Variants in AJAP1 observed in about 807,000 individuals in gnomAD.
AJAP1 encodes the protein adherens junction-associated protein 1.
A neutral mutation model predicts 35.0 loss-of-function variants in AJAP1; 5 were observed. The ratio of observed to expected loss-of-function variants is 0.14; its 90% CI spans 0.07 to 0.30. The LOEUF (loss-of-function observed/expected upper bound fraction) is 0.30. Ranked by LOEUF, AJAP1 falls within the 10% of genes least tolerant of loss-of-function variation. The pLI is 1.00. For missense variants in AJAP1, 586 were observed against 571.0 expected (o/e 1.03, Z -0.27); for synonymous variants, 284 against 249.3 (o/e 1.14, Z -1.31).
chr1:4,718,245 C>T (rs944998493), intron 2 of AJAP1, among the ~76,000 whole-genome samples: 1 of 152,052 alleles, frequency 6.6e-6, no homozygotes, highest in Non-Finnish European at 1.5e-5. Context: ...GTGTTCATAC[C>T]AAATGGATAA....
Position 4,679,812 on chromosome 1 carries a change from TGTGTGTGTGTG to T in AJAP1, c.29+24359_29+24369del, listed in dbSNP as rs1639440433. Among the ~76,000 whole-genome samples the T allele has an allele frequency of 4.5e-5, 3 of 66,722 alleles. No individual in the cohort carries two copies. In the South Asian group the frequency reaches 2.1e-3, roughly 46 times the overall value. The allele number at this position is 66,722 out of a possible 152,430, so 43.8% of individuals were successfully genotyped here. On this transcript the variant is annotated intron_variant, in intron 1 of 5. Transcript: ENST00000378191. ...GCTTAGAAACAGAACCAATAGGGTG[TGTGTGTGTGTG>T]TGTGTGTGTGTGTGTGTGTGTGTGT...
In AJAP1 at chr1:4,771,634, A is replaced by G. The variant is rs186490698; in HGVS notation, c.918-646A>G. 4.7e-3 allele frequency among the ~76,000 whole-genome samples: 713 copies of G among 152,272 alleles called. 4 individuals carry two copies. The highest frequency in any genetic ancestry group is 0.014 in the African/African-American group (585 of 41,556). On this transcript the variant is annotated intron_variant, in intron 3 of 5. Coordinates refer to ENST00000378191, the MANE Select transcript of AJAP1 (RefSeq NM_018836.4). Reference sequence around the variant, plus strand: ...CGAGGGTAGGAGTCCCATGGTCACTATAAGTGGCCTCTGGAAACCCCTGTG... The same window carrying G: ...CGAGGGTAGGAGTCCCATGGTCACTGTAAGTGGCCTCTGGAAACCCCTGTG...
intron 2 of AJAP1, among the ~76,000 whole-genome samples, chr1:4,762,402 G>A (rs1382648133): frequency 6.6e-6 from 1 of 152,228 alleles, no homozygotes; most frequent in East Asian, 1.9e-4. Context: ...GTGGGGTATT[G>A]TGGTATTAGC....
chr1:4,690,971 T>C (rs985222100), intron 1 of AJAP1, among the ~76,000 whole-genome samples: 5 of 152,136 alleles, frequency 3.3e-5, no homozygotes, highest in Admixed American at 1.3e-4. Flanking sequence ...GGGCAGGCCA[T>C]GTCTGCCTGG....
chr1:4,735,083 G>A (rs1640886888), intron 2 of AJAP1, among the ~76,000 whole-genome samples: 1 of 152,218 alleles, frequency 6.6e-6, no homozygotes, highest in Non-Finnish European at 1.5e-5. Flanking sequence ...GGGTGATAGA[G>A]GGCCGGGTAG....
intron 2 of AJAP1, among the ~76,000 whole-genome samples, chr1:4,713,161 C>T (rs1470700037): frequency 2.0e-5 from 3 of 152,124 alleles, no homozygotes; most frequent in African/African-American, 4.8e-5. Flanking sequence ...GACCCATGGA[C>T]GGGGGCATGG....
chr1:4,776,427 T>C (rs1036565420), intron 5 of AJAP1, among the ~76,000 whole-genome samples: 2 of 152,170 alleles, frequency 1.3e-5, no homozygotes, highest in African/African-American at 4.8e-5. Context: ...AGGTTGTTAG[T>C]GGTGGGGCTG....
At chr1:4,662,432 G>A (rs1046799507) in intron 1 of AJAP1, among the ~76,000 whole-genome samples, 16 of 152,118 alleles carry the variant, frequency 1.1e-4, no homozygotes, top group African/African-American at 3.9e-4. Flanking sequence ...TTTTGTTCCT[G>A]AATGGTATCC....
chr1:4,749,580 G>A (rs543085767), intron 2 of AJAP1, among the ~76,000 whole-genome samples: 1 of 152,216 alleles, frequency 6.6e-6, no homozygotes, highest in African/African-American at 2.4e-5. Context: ...TGGAGGCCAG[G>A]GGGAGGCAAG....
chr1:4,711,865 A>T, intron 1 of AJAP1, 35 bp from the exon 2 acceptor site: 8 of 1,433,106 alleles, frequency 5.6e-6, no homozygotes, highest in Non-Finnish European at 7.3e-6. Flanking sequence ...CTGGGCTTCC[A>T]CTGACCGCTC....
In AJAP1 at chr1:4,768,831, A is replaced by G. The variant is rs182514721; in HGVS notation, c.830-1022A>G. Among the ~76,000 whole-genome samples the G allele has an allele frequency of 2.0e-5, 3 of 152,320 alleles. No individual in the cohort carries two copies. In the East Asian group the frequency reaches 5.8e-4, roughly 29 times the overall value. ...CTGGTTGGTAATGTCCCCAGCATCCAGGTCCCAGGAAGGATGTGACAGATG... is the reference window on the plus strand; with the variant it reads ...CTGGTTGGTAATGTCCCCAGCATCCGGGTCCCAGGAAGGATGTGACAGATG... On this transcript the variant is annotated intron_variant, in intron 2 of 5. Transcript: ENST00000378191.
intron 2 of AJAP1, among the ~76,000 whole-genome samples, chr1:4,752,583 C>T (rs1641343706): frequency 6.6e-6 from 1 of 152,140 alleles, no homozygotes; most frequent in African/African-American, 2.4e-5. Context: ...GGAGGGAGCC[C>T]AGCACAGCTT....
intron 1 of AJAP1, among the ~76,000 whole-genome samples, chr1:4,679,848 T>C (rs901382237): frequency 7.1e-6 from 1 of 141,034 alleles, no homozygotes; most frequent in Non-Finnish European, 1.5e-5. Context: ...TGTGTGTGTG[T>C]GTGTAGAGAG....
intron 1 of AJAP1, among the ~76,000 whole-genome samples, chr1:4,704,243 G>A (rs1475357862): frequency 1.3e-5 from 2 of 151,102 alleles, no homozygotes; most frequent in African/African-American, 4.9e-5. Context: ...TGCCATGCTG[G>A]TGTGCTGCAC....
intron 2 of AJAP1, among the ~76,000 whole-genome samples, chr1:4,742,484 T>C (rs1223191333): frequency 6.6e-6 from 1 of 152,146 alleles, no homozygotes; most frequent in Non-Finnish European, 1.5e-5. Context: ...GAGACTCAAA[T>C]GCAAGTTGGG....
At chr1:4,732,508 T>C (rs1407342178) in intron 2 of AJAP1, among the ~76,000 whole-genome samples, 3 of 152,270 alleles carry the variant, frequency 2.0e-5, no homozygotes, top group African/African-American at 7.2e-5. Flanking sequence ...CCCTCAGTTC[T>C]CTGAGCCCCA....
chr1:4,687,536 G>A (rs1300267205), intron 1 of AJAP1, among the ~76,000 whole-genome samples: 1 of 152,196 alleles, frequency 6.6e-6, no homozygotes, highest in Non-Finnish European at 1.5e-5. Flanking sequence ...GACCAAATAA[G>A]ACAGAGAAGG....
Position 4,712,054 on chromosome 1 carries a change from C to G in AJAP1, c.184C>G (p.Arg62Gly). 6.3e-7 allele frequency: 1 copy of G among 1,586,768 alleles called. No homozygotes were observed. The change falls in exon 2 of 6, where the codon CGG (arginine) becomes GGG (glycine). Residue 62 changes from arginine (R) to glycine (G), a missense_variant. Coordinates refer to ENST00000378191, the MANE Select transcript of AJAP1 (RefSeq NM_018836.4). ...GCCGCGGTCGCCGCCCCGGCCGCCC[C>G]GGCTGTGGAGTTTTAGGAGTGGACA... ...LLPRSPPRPP[R>G]LWSFRSGQPA...
intron 3 of AJAP1, among the ~76,000 whole-genome samples, chr1:4,770,204 C>T (rs383231): frequency 0.047 from 7,149 of 152,272 alleles, 234 homozygotes; most frequent in Middle Eastern, 0.11. Flanking sequence ...CAGATTCTTT[C>T]TCTGGATCCA....
Sources: allele counts gnomAD v4.1 joint callset (sites outside exome capture counted in the v4.1 genomes callset), GRCh38; gene constraint gnomAD v4.1.1; transcripts MANE v1.5; gene names NCBI Gene and HGNC (gene_info 2026-07-23, HGNC 2026-07-21).